Variants in DLEC1 observed in about 807,000 individuals in gnomAD.
DLEC1 encodes DLEC1 cilia and flagella associated protein.
A neutral mutation model predicts 198.1 loss-of-function variants in DLEC1; 146 were observed. The observed-to-expected ratio is 0.74, with a 90% CI of 0.64 to 0.85. DLEC1 has a LOEUF of 0.85. DLEC1 is among the 40% of genes least tolerant of loss of function. DLEC1 has a pLI of 0.00. For missense variants in DLEC1, 2,233 were observed against 2,220.0 expected (o/e 1.01, Z -0.12); for synonymous variants, 897 against 866.8 (o/e 1.03, Z -0.61).
intron 4 of DLEC1, 95 bp from the exon 5 acceptor site, chr3:38,062,486 G>T (rs1475022940): frequency 6.4e-7 from 1 of 1,574,478 alleles, no homozygotes; most frequent in African/African-American, 1.4e-5. Flanking sequence ...AGTAGAGCTT[G>T]TGTTGGCCAT....
rs142297819 is a variant in DLEC1 at position 38,086,894 on chromosome 3, A to C, written c.1572+517A>C. On this transcript the variant is annotated intron_variant, in intron 9 of 36. Transcript: ENST00000308059. The stretch of plus-strand genomic sequence containing the variant: ...GTTTGAGACCAGCCTGGCCAATATG[A>C]TGAAACACCGTCTCTACTAAAAATA... Among the ~76,000 whole-genome samples, 728 of 152,140 alleles carry C rather than the reference A, an allele frequency of 4.8e-3. 8 individuals carry two copies. Among genetic ancestry groups the C allele is most frequent in the African/African-American group, 0.017 (701 of 41,530 alleles).
intron 2 of DLEC1, among the ~76,000 whole-genome samples, chr3:38,050,172 A>G (rs9834405): frequency 0.43 from 65,502 of 151,610 alleles, 14,936 homozygotes; most frequent in East Asian, 0.6. Context: ...GGGCTCAAGT[A>G]ATCCTCCCAC....
chr3:38,052,773 C>T (rs1033134315), intron 2 of DLEC1, among the ~76,000 whole-genome samples: 18 of 151,668 alleles, frequency 1.2e-4, no homozygotes, highest in Admixed American at 8.5e-4. Context: ...TCTCTCCCTC[C>T]CCCTCCGCCT....
At chr3:38,088,886 G>A (rs894923117) in intron 10 of DLEC1, among the ~76,000 whole-genome samples, 3 of 152,084 alleles carry the variant, frequency 2.0e-5, no homozygotes, top group Admixed American at 6.5e-5. Context: ...GGCTGTGGGC[G>A]TCTCCTTTCC....
chr3:38,071,125 G>A (rs6782360), intron 6 of DLEC1, among the ~76,000 whole-genome samples: 29,558 of 152,086 alleles, frequency 0.19, 3,464 homozygotes, highest in East Asian at 0.35. Flanking sequence ...CTTGTGGTAA[G>A]TGGTGATATC....
rs117033909 is a variant in DLEC1 at position 38,049,736 on chromosome 3, A to G, written c.562+4043A>G. On this transcript the variant is annotated intron_variant, in intron 2 of 36. Transcript: ENST00000308059. ...GGGGCAGGACTGTGGAAAGAATTGT[A>G]TCAGAAGAGAGAGGATACATCTCTT... is the stretch of plus-strand genomic sequence containing the variant. 3.5e-4 allele frequency among the ~76,000 whole-genome samples: 53 copies of G among 152,366 alleles called. 1 individual carries two copies. The East Asian group carries it at 9.6e-3, about 28-fold the overall frequency.
chr3:38,107,883 A>C (rs1305295539), intron 20 of DLEC1, 146 bp downstream of exon 20: 1 of 948,720 alleles, frequency 1.1e-6, no homozygotes, highest in Non-Finnish European at 1.5e-6. Context: ...CGTAGTGTGC[A>C]TAAAAGCTCC....
At position 38,123,404 on chromosome 3, in the gene DLEC1, C is replaced by A. The variant is rs932615486; in HGVS notation, c.*992C>A. 2 of 363,418 alleles carry A rather than the reference C, an allele frequency of 5.5e-6. No individual in the cohort carries two copies. The highest frequency in any genetic ancestry group is 9.7e-5 in the East Asian group (2 of 20,548). 22.5% of individuals were successfully genotyped at this position (363,418 alleles called of 1,614,324 possible). A position where few individuals can be genotyped will look rare whatever the true frequency, so the allele number is the denominator to read the frequency against. On this transcript the variant is annotated 3_prime_UTR_variant, in exon 37 of 37. Coordinates refer to ENST00000308059, the MANE Select transcript of DLEC1 (RefSeq NM_007335.4). Reference sequence around the variant, plus strand: ...TGTGCATGTTCCCCTCCCCAGGGATCGATCATAATCCCAAAAGACACAATC... The same window carrying A: ...TGTGCATGTTCCCCTCCCCAGGGATAGATCATAATCCCAAAAGACACAATC...
chr3:38,100,276 T>C lies in DLEC1; in HGVS notation c.2725-10T>C, dbSNP rs1192236824. On this transcript the variant is annotated splice_polypyrimidine_tract_variant and intron_variant, in intron 18 of 36. Coordinates refer to ENST00000308059, the MANE Select transcript of DLEC1 (RefSeq NM_007335.4). ...TCAGTGCTCATCCTCCTGAGTGTTC[T>C]CCGGGGCAGGTGTCTCCCTTCGACA... 1.2e-6 allele frequency: 2 copies of C among 1,604,098 alleles called. No homozygotes were observed. The highest frequency in any genetic ancestry group is 1.7e-6 in the Non-Finnish European group (2 of 1,176,084).
chr3:38,058,371 A>T (rs569031452), intron 2 of DLEC1, among the ~76,000 whole-genome samples: 5 of 152,158 alleles, frequency 3.3e-5, no homozygotes, highest in African/African-American at 1.2e-4. Flanking sequence ...AAAACCAGAC[A>T]TAGCCGCTTG....
At chr3:38,048,339 T>C (rs1700969848) in intron 2 of DLEC1, among the ~76,000 whole-genome samples, 1 of 152,222 alleles carries the variant, frequency 6.6e-6, no homozygotes, top group Non-Finnish European at 1.5e-5. Flanking sequence ...TCTTGAAAAT[T>C]ATCATTTTCC....
rs369229329 is a variant in DLEC1, at chr3:38,122,419, G to A, written c.*7G>A. The A allele has an allele frequency of 1.7e-5, 27 of 1,613,912 alleles. No individual in the cohort carries two copies. Among genetic ancestry groups the A allele is most frequent in the East Asian group, 6.7e-5 (3 of 44,890 alleles). ...GTTGCCTCACCAGCCCTGAGGCTCC[G>A]CCCCAGCCCTCAGCCCCAGGCCCCA... On this transcript the variant is annotated 3_prime_UTR_variant, in exon 37 of 37. Coordinates refer to ENST00000308059, the MANE Select transcript of DLEC1 (RefSeq NM_007335.4).
In DLEC1 at chr3:38,097,289, T is replaced by G. The variant is rs770691868; in HGVS notation, c.2434+14T>G. ...CAGGGGTCATAGGTACCTTGGGGAC[T>G]GCAGGAGGGGTTGTGACCTGCCTGG... On this transcript the variant is annotated intron_variant, in intron 16 of 36. Coordinates refer to ENST00000308059, the MANE Select transcript of DLEC1 (RefSeq NM_007335.4). 1.4e-5 allele frequency: 22 copies of G among 1,569,118 alleles called. No homozygotes were observed. The Middle Eastern group carries it at 1.5e-3, about 107-fold the overall frequency.
At chr3:38,095,238 G>C in intron 13 of DLEC1, 167 bp downstream of exon 13, 2 of 733,504 alleles carry the variant, frequency 2.7e-6, no homozygotes, top group Admixed American at 2.9e-5. Flanking sequence ...TGGTGTGCAG[G>C]GTGAAGCAGC....
intron 6 of DLEC1, among the ~76,000 whole-genome samples, chr3:38,083,394 G>C (rs1476364133): frequency 6.6e-6 from 1 of 152,042 alleles, no homozygotes; most frequent in Non-Finnish European, 1.5e-5. Flanking sequence ...AGTACTCAGT[G>C]GGGGAGCTTT....
intron 3 of DLEC1, among the ~76,000 whole-genome samples, chr3:38,060,393 G>C (rs554305687): frequency 6.6e-6 from 1 of 152,162 alleles, no homozygotes; most frequent in Non-Finnish European, 1.5e-5. Flanking sequence ...CTTAAGCAGC[G>C]AGTTAGACTT....
At chr3:38,086,489 T>G (rs1698464265) in intron 9 of DLEC1, 112 bp downstream of exon 9, 1 of 1,387,542 alleles carries the variant, frequency 7.2e-7, no homozygotes, top group Non-Finnish European at 9.7e-7. Context: ...GAACGCAGAG[T>G]GTTGTAAACT....
At chr3:38,114,187 T>C (rs1700030912) in intron 25 of DLEC1, among the ~76,000 whole-genome samples, 155 bp from the exon 26 acceptor site, 1 of 144,814 alleles carries the variant, frequency 6.9e-6, no homozygotes, top group Non-Finnish European at 1.5e-5. Flanking sequence ...AGAGTGGAGA[T>C]GGCGGGAAGT....
intron 2 of DLEC1, among the ~76,000 whole-genome samples, chr3:38,047,694 A>G (rs1408005847): frequency 2.0e-5 from 3 of 152,210 alleles, no homozygotes; most frequent in Non-Finnish European, 4.4e-5. Flanking sequence ...GTGGGGAAAG[A>G]GCACTTCATA....
Sources: gnomAD v4.1 joint callset for allele counts (sites outside exome capture counted in the v4.1 genomes callset) on GRCh38, gnomAD v4.1.1 for gene constraint, MANE v1.5 for transcripts, NCBI Gene and HGNC (gene_info 2026-07-23, HGNC 2026-07-21) for gene names.